Variants in SFMBT2 observed in about 807,000 individuals in gnomAD.
The protein encoded by SFMBT2 is scm-like with four MBT domains protein 2.
SFMBT2 carries 38 observed loss-of-function variants against 110.1 expected under a neutral mutation model. That is an observed-to-expected ratio of 0.35 (90% CI 0.27 to 0.45). The LOEUF is 0.45. Ranked by LOEUF, SFMBT2 falls within the 20% of genes least tolerant of loss-of-function variation. The pLI is 1.00. For synonymous variants in SFMBT2, 425 were observed against 425.4 expected, an observed-to-expected ratio of 1.00 and a Z score of 0.01; for missense variants, 1,011 against 1,094.9, an observed-to-expected ratio of 0.92 and a Z score of 1.08.
intron 7 of SFMBT2, 131 bp downstream of exon 7, chr10:7,276,761 C>T (rs1387122209): frequency 1.7e-5 from 11 of 645,152 alleles, no homozygotes; most frequent in Non-Finnish European, 2.8e-5. Context: ...CTCCTGATGT[C>T]GTGATCCGCC....
intron 20 of SFMBT2, among the ~76,000 whole-genome samples, chr10:7,168,491 G>T (rs560064986): frequency 6.6e-6 from 1 of 152,200 alleles, no homozygotes; most frequent in South Asian, 2.1e-4. Context: ...AAGGCACCTC[G>T]CAGGGACTGA....
intron 13 of SFMBT2, among the ~76,000 whole-genome samples, chr10:7,201,136 T>G (rs1477773301): frequency 6.6e-6 from 1 of 152,162 alleles, no homozygotes; most frequent in Non-Finnish European, 1.5e-5. Flanking sequence ...AACCACATGG[T>G]TGAAAAGCTC....
chr10:7,383,845 T>C (rs1845499480), intron 1 of SFMBT2, among the ~76,000 whole-genome samples: 1 of 152,158 alleles, frequency 6.6e-6, no homozygotes, highest in African/African-American at 2.4e-5. Flanking sequence ...AGGACTTTCC[T>C]GATTTAAAGT....
chr10:7,248,452 T>C, intron 8 of SFMBT2, 96 bp downstream of exon 8: 3 of 1,023,332 alleles, frequency 2.9e-6, no homozygotes, highest in South Asian at 1.4e-5. Context: ...GCTGATAGCC[T>C]TGCACGAACA....
At chr10:7,187,748 C>A (rs1838463009) in intron 16 of SFMBT2, among the ~76,000 whole-genome samples, 1 of 152,190 alleles carries the variant, frequency 6.6e-6, no homozygotes, top group African/African-American at 2.4e-5. Flanking sequence ...TCATATTTCT[C>A]AATTTTCACT....
chr10:7,271,032 T>C lies in SFMBT2; in HGVS notation c.870+5860A>G, dbSNP rs533023348. Among the ~76,000 whole-genome samples, 6 of 152,192 alleles carry C rather than the reference T, an allele frequency of 3.9e-5. No individual in the cohort carries two copies. In the South Asian group the frequency reaches 1.0e-3, roughly 26 times the overall value. On this transcript the variant is annotated intron_variant, in intron 7 of 20. Coordinates refer to ENST00000397167, the MANE Select transcript of SFMBT2 (RefSeq NM_001387889.1). Reference sequence around the variant, plus strand: ...AGGCATGGTGGCTCACGCCTATAAATCCAGCACTTTGGGAGGCCGAGGTGG... The same window carrying C: ...AGGCATGGTGGCTCACGCCTATAAACCCAGCACTTTGGGAGGCCGAGGTGG...
chr10:7,164,309 C>A (rs1304512709), intron 20 of SFMBT2: 3 of 685,604 alleles, frequency 4.4e-6, no homozygotes, highest in African/African-American at 1.9e-5. Flanking sequence ...TCACCTGAAC[C>A]CAGGAGTTTG....
intron 9 of SFMBT2, among the ~76,000 whole-genome samples, chr10:7,233,679 A>T (rs1840176003): frequency 6.6e-6 from 1 of 152,232 alleles, no homozygotes; most frequent in Admixed American, 6.5e-5. Flanking sequence ...TTCACAACTC[A>T]CAGAGCAGCA....
At chr10:7,365,107 G>A (rs1387486806) in intron 4 of SFMBT2, among the ~76,000 whole-genome samples, 2 of 152,186 alleles carry the variant, frequency 1.3e-5, no homozygotes, top group Non-Finnish European at 2.9e-5. Flanking sequence ...CCAAAAGCAT[G>A]AGCATGCACT....
At position 7,252,720 on chromosome 10, in the gene SFMBT2, A is replaced by G. The variant is rs1840852547; in HGVS notation, c.871-4071T>C. Among the ~76,000 whole-genome samples the G allele has an allele frequency of 2.6e-5, 4 of 152,146 alleles. No individual in the cohort carries two copies. The South Asian group carries it at 8.3e-4, about 31-fold the overall frequency. ...CTGTCAGTCTTGGCTCAGATCTCCT[A>G]CAACTTAAATTATTTCTCCCAGGTT... On this transcript the variant is annotated intron_variant, in intron 7 of 20. Transcript: ENST00000397167.
At chr10:7,191,832 G>C (rs1185550895) in intron 15 of SFMBT2, among the ~76,000 whole-genome samples, 2 of 151,972 alleles carry the variant, frequency 1.3e-5, no homozygotes, top group Non-Finnish European at 2.9e-5. Flanking sequence ...TTTCAATATG[G>C]GCTCTGAAAT....
At chr10:7,326,890 G>A (rs1843401176) in intron 4 of SFMBT2, among the ~76,000 whole-genome samples, 1 of 152,230 alleles carries the variant, frequency 6.6e-6, no homozygotes, top group African/African-American at 2.4e-5. Context: ...TTCCCTTTTG[G>A]TGTTCCCCTT....
At chr10:7,228,817 C>T (rs1840026387) in intron 9 of SFMBT2, among the ~76,000 whole-genome samples, 2 of 143,366 alleles carry the variant, frequency 1.4e-5, no homozygotes, top group Non-Finnish European at 3.0e-5. Context: ...TTTGTATTCA[C>T]TTCATTTTTG....
intron 20 of SFMBT2, among the ~76,000 whole-genome samples, chr10:7,167,285 G>C (rs759489868): frequency 6.6e-5 from 10 of 152,184 alleles, no homozygotes; most frequent in Non-Finnish European, 1.3e-4. Context: ...TTTATTTAGA[G>C]TGTTGTATGT....
intron 5 of SFMBT2, 107 bp downstream of exon 5, chr10:7,285,759 A>T: frequency 1.4e-6 from 1 of 711,528 alleles, no homozygotes; most frequent in African/African-American, 1.8e-5. Context: ...CAGTGTCTGC[A>T]GAAAGCACGC....
At chr10:7,306,565 T>C (rs1264125218) in intron 4 of SFMBT2, among the ~76,000 whole-genome samples, 1 of 151,712 alleles carries the variant, frequency 6.6e-6, no homozygotes, top group Non-Finnish European at 1.5e-5. Flanking sequence ...CGCTGTAGAG[T>C]TTCCAGAAGA....
chr10:7,372,108 G>A (rs1477876486), intron 2 of SFMBT2, among the ~76,000 whole-genome samples: 1 of 151,826 alleles, frequency 6.6e-6, no homozygotes, highest in Non-Finnish European at 1.5e-5. Flanking sequence ...AGTAGAGATG[G>A]GGTTTCGCCA....
At chr10:7,244,267 AAC>A in intron 8 of SFMBT2, 1 of 242,468 alleles carries the variant, frequency 4.1e-6, no homozygotes, top group Non-Finnish European at 6.7e-6. Context: ...AAGCTATCAA[AAC>A]ACAGTGCGTT....
chr10:7,396,813 C>T (rs1041728362), intron 1 of SFMBT2, among the ~76,000 whole-genome samples: 37 of 150,362 alleles, frequency 2.5e-4, no homozygotes, highest in African/African-American at 8.3e-4. Flanking sequence ...AACCAAACAC[C>T]GCATGTTCTC....
Sources: allele counts gnomAD v4.1 joint callset (sites outside exome capture counted in the v4.1 genomes callset), GRCh38; gene constraint gnomAD v4.1.1; transcripts MANE v1.5; gene names NCBI Gene and HGNC (gene_info 2026-07-23, HGNC 2026-07-21).